IGF2BP2: variants seen among roughly 807,000 people sequenced by gnomAD.
IGF2BP2 encodes insulin like growth factor 2 mRNA binding protein 2.
A neutral mutation model predicts 75.8 loss-of-function variants in IGF2BP2; 17 were observed. That is an observed-to-expected ratio of 0.22 (90% CI 0.15 to 0.34). The LOEUF (loss-of-function observed/expected upper bound fraction) is 0.34. Ranked by LOEUF, IGF2BP2 falls within the 10% of genes least tolerant of loss-of-function variation. The probability of loss-of-function intolerance (pLI) is 1.00; values close to 1 mark genes in which losing one functional copy is unlikely to be tolerated. For missense variants in IGF2BP2, 516 were observed against 772.4 expected (o/e 0.67, Z 3.93); for synonymous variants, 288 against 295.6 (o/e 0.97, Z 0.26).
chr3:185,655,823 C>G (rs1320699570), intron 12 of IGF2BP2, among the ~76,000 whole-genome samples: 1 of 152,240 alleles, frequency 6.6e-6, no homozygotes, highest in African/African-American at 2.4e-5. Flanking sequence ...AATCTTGGCT[C>G]TCTCATTCTT....
chr3:185,806,333 A>C (rs1739024281), intron 2 of IGF2BP2, among the ~76,000 whole-genome samples: 1 of 152,168 alleles, frequency 6.6e-6, no homozygotes, highest in African/African-American at 2.4e-5. Context: ...AAATATATAG[A>C]CTATATAGAA....
intron 7 of IGF2BP2, among the ~76,000 whole-genome samples, chr3:185,676,975 T>G (rs1398121861): frequency 7.3e-6 from 1 of 137,466 alleles, no homozygotes; most frequent in East Asian, 2.1e-4. Context: ...CATATGGAGA[T>G]ACATATATAT....
At chr3:185,705,470 C>T (rs1723894889) in intron 2 of IGF2BP2, among the ~76,000 whole-genome samples, 1 of 151,998 alleles carries the variant, frequency 6.6e-6, no homozygotes, top group Non-Finnish European at 1.5e-5. Flanking sequence ...CTCATGTTCA[C>T]AAAACCATAA....
intron 2 of IGF2BP2, among the ~76,000 whole-genome samples, chr3:185,801,566 T>G (rs1738279176): frequency 6.6e-6 from 1 of 151,410 alleles, no homozygotes; most frequent in Admixed American, 6.6e-5. Flanking sequence ...ACTTTTACGC[T>G]GTTGGGAGTG....
intron 6 of IGF2BP2, among the ~76,000 whole-genome samples, chr3:185,687,855 C>T (rs1480770987): frequency 6.6e-6 from 1 of 151,928 alleles, no homozygotes; most frequent in Non-Finnish European, 1.5e-5. Context: ...AAGCCTAGAG[C>T]CAAGTCTTTG....
At chr3:185,686,884 G>T (rs1005204931) in intron 7 of IGF2BP2, among the ~76,000 whole-genome samples, 173 bp downstream of exon 7, 1 of 151,760 alleles carries the variant, frequency 6.6e-6, no homozygotes, top group African/African-American at 2.4e-5. Flanking sequence ...AAATGCAAAA[G>T]ATCTACTTCC....
chr3:185,689,079 A>G (rs7649346), intron 6 of IGF2BP2: 1 of 378,768 alleles, frequency 2.6e-6, no homozygotes, highest in Non-Finnish European at 4.7e-6. Flanking sequence ...TGTAGAAATC[A>G]ATGCATCCAT....
intron 2 of IGF2BP2, chr3:185,728,471 T>C (rs1727672574): frequency 6.6e-6 from 1 of 152,210 alleles, no homozygotes; most frequent in Admixed American, 6.5e-5. Context: ...AAAATGACAA[T>C]GGTGGACGTC....
At chr3:185,730,788 G>C (rs951498535) in intron 2 of IGF2BP2, among the ~76,000 whole-genome samples, 2 of 152,154 alleles carry the variant, frequency 1.3e-5, no homozygotes, top group East Asian at 3.9e-4. Context: ...AGTTCTTCAA[G>C]AAATCTCCGT....
intron 2 of IGF2BP2, among the ~76,000 whole-genome samples, chr3:185,732,020 C>T (rs994902739): frequency 4.6e-5 from 7 of 152,126 alleles, no homozygotes; most frequent in East Asian, 3.9e-4. Flanking sequence ...TTGTGGTTTC[C>T]GGAGCACGTT....
intron 2 of IGF2BP2, among the ~76,000 whole-genome samples, chr3:185,804,292 T>C (rs993936694): frequency 2.1e-5 from 3 of 144,528 alleles, no homozygotes; most frequent in African/African-American, 5.2e-5. Flanking sequence ...ATTAGCCAGG[T>C]GTGGTGGTGC....
chr3:185,751,159 G>C (rs1327765383), intron 2 of IGF2BP2, among the ~76,000 whole-genome samples: 6 of 152,254 alleles, frequency 3.9e-5, no homozygotes, highest in Admixed American at 6.5e-5. Context: ...GTTGCAGTGA[G>C]TGGAGACTGC....
chr3:185,725,921 G>A (rs1727260661), intron 2 of IGF2BP2, among the ~76,000 whole-genome samples: 1 of 152,164 alleles, frequency 6.6e-6, no homozygotes, highest in Non-Finnish European at 1.5e-5. Flanking sequence ...CCATGAACAT[G>A]CCACTGCACT....
intron 2 of IGF2BP2, among the ~76,000 whole-genome samples, chr3:185,702,956 C>G (rs903333764): frequency 4.6e-5 from 7 of 152,208 alleles, no homozygotes; most frequent in African/African-American, 1.4e-4. Context: ...AATATATAGG[C>G]TCTTTCCCTG....
chr3:185,725,192 A>T (rs1390265730), intron 2 of IGF2BP2: 1 of 152,232 alleles, frequency 6.6e-6, no homozygotes, highest in Non-Finnish European at 1.5e-5. Context: ...TGACCCACAG[A>T]ATCTGTGAGT....
intron 2 of IGF2BP2, among the ~76,000 whole-genome samples, chr3:185,714,194 C>T (rs973629012): frequency 4.0e-5 from 6 of 151,522 alleles, no homozygotes; most frequent in Non-Finnish European, 8.8e-5. Flanking sequence ...AACATTAATG[C>T]TCTGTATATG....
In IGF2BP2 at chr3:185,804,023, C is replaced by T. The variant is rs138680607; in HGVS notation, c.239+19130G>A. On this transcript the variant is annotated intron_variant, in intron 2 of 15. Coordinates refer to ENST00000382199, the MANE Select transcript of IGF2BP2 (RefSeq NM_006548.6). ...CCTATAATCCCAGCACTTTGGGAGG[C>T]TGAGGCGGGTGGATCACGAGGTCAG... Among the ~76,000 whole-genome samples, 1,254 of 152,264 alleles carry T rather than the reference C, an allele frequency of 8.2e-3. 14 individuals are homozygous for T. The highest frequency in any genetic ancestry group is 0.028 in the African/African-American group (1,183 of 41,560).
At chr3:185,656,730 T>G (rs1310207247) in intron 12 of IGF2BP2, among the ~76,000 whole-genome samples, 1 of 152,208 alleles carries the variant, frequency 6.6e-6, no homozygotes, top group African/African-American at 2.4e-5. Flanking sequence ...AGGCAGGATG[T>G]GGGCCTGGAG....
intron 2 of IGF2BP2, among the ~76,000 whole-genome samples, chr3:185,730,177 A>G (rs1323457196): frequency 2.6e-5 from 4 of 152,048 alleles, no homozygotes; most frequent in Non-Finnish European, 2.9e-5. Context: ...CTTTATGTCT[A>G]TGTGTAGCCA....
Sources: gnomAD v4.1 joint callset for allele counts (sites outside exome capture counted in the v4.1 genomes callset) on GRCh38, gnomAD v4.1.1 for gene constraint, MANE v1.5 for transcripts, NCBI Gene and HGNC (gene_info 2026-07-23, HGNC 2026-07-21) for gene names.